Variants in AADACL4 observed in about 807,000 individuals in gnomAD.
The protein encoded by AADACL4 is arylacetamide deacetylase like 4.
In AADACL4, 9 loss-of-function variants were observed where a neutral mutation model predicts 14.1. The ratio of observed to expected loss-of-function variants is 0.64; its 90% confidence interval spans 0.39 to 1.12. The LOEUF is 1.12. Ranked by LOEUF, AADACL4 falls within the 50% of genes most tolerant of loss-of-function variation. AADACL4 has a pLI of 0.01. For missense variants in AADACL4, 531 were observed against 516.1 expected (o/e 1.03, Z -0.28); for synonymous variants, 188 against 201.6 (o/e 0.93, Z 0.57).
intron 1 of AADACL4, among the ~76,000 whole-genome samples, chr1:12,647,577 G>A (rs980227864): frequency 6.6e-6 from 1 of 152,060 alleles, no homozygotes; most frequent in Admixed American, 6.5e-5. Context: ...TTTAAAAGTT[G>A]CTATGAATGA....
intron 2 of AADACL4, among the ~76,000 whole-genome samples, chr1:12,658,123 CCTTCCTTCCTTCCTTCCTTT>C (rs1647195853): frequency 8.4e-6 from 1 of 119,486 alleles, no homozygotes; most frequent in African/African-American, 4.9e-5. Context: ...TTCCTTCCTT[CCTTCCTTCCTTCCTTCCTTT>C]CTTTCTTTCT....
Position 12,650,657 on chromosome 1 carries a change from C to T in AADACL4, c.169-466C>T, listed in dbSNP as rs528147766. ...AAGTGATTCTCCTGCCTCAGCCTCC[C>T]GAGTAGCTGGGACTACAGGCGCTCG... is the stretch of plus-strand genomic sequence containing the variant. On this transcript the variant is annotated intron_variant, in intron 1 of 3. Coordinates refer to ENST00000376221, the MANE Select transcript of AADACL4 (RefSeq NM_001013630.2). Among the ~76,000 whole-genome samples, 28 of 152,112 alleles carry T rather than the reference C, an allele frequency of 1.8e-4. No individual in the cohort carries two copies. The East Asian group carries it at 2.1e-3, about 12-fold the overall frequency.
chr1:12,652,687 T>C (rs1398276209), intron 2 of AADACL4, among the ~76,000 whole-genome samples: 1 of 152,218 alleles, frequency 6.6e-6, no homozygotes, highest in African/African-American at 2.4e-5. Context: ...TGAAAATTCT[T>C]GGAAAAAGAT....
In AADACL4 at chr1:12,666,187, CA is replaced by C. The variant is rs1361643435; in HGVS notation, c.677del (p.Gln226ArgfsTer25). The C allele has an allele frequency of 6.2e-7, 1 of 1,614,134 alleles. No individual in the cohort carries two copies. The highest frequency in any genetic ancestry group is 8.5e-7 in the Non-Finnish European group (1 of 1,180,058). On this transcript the variant is annotated frameshift_variant, in exon 4 of 4. Coordinates refer to ENST00000376221, the MANE Select transcript of AADACL4 (RefSeq NM_001013630.2). LOFTEE classifies it low-confidence loss of function (END_TRUNC). ...RAQVLIYPVVQAFCLQLPSFQ... is the reference protein window; with the variant it reads ...RAQVLIYPVVXAFCLQLPSFQ... ...TCAGGTTCTGATTTATCCAGTTGTC[CA>C]GGCATTCTGTTTGCAGTTGCCATCC...
intron 3 of AADACL4, among the ~76,000 whole-genome samples, chr1:12,664,713 A>G (rs1026585663): frequency 2.0e-5 from 3 of 152,188 alleles, no homozygotes; most frequent in Non-Finnish European, 4.4e-5. Context: ...CAGCCACTTC[A>G]ACTTAACATT....
At chr1:12,658,806 T>C (rs545136213) in intron 2 of AADACL4, among the ~76,000 whole-genome samples, 18 of 152,130 alleles carry the variant, frequency 1.2e-4, no homozygotes, top group Admixed American at 9.8e-4. Flanking sequence ...CACCCCCGGC[T>C]TCATCCTTGT....
chr1:12,666,328 G>C lies in AADACL4; in HGVS notation c.817G>C (p.Val273Leu). 6.2e-7 allele frequency: 1 copy of C among 1,614,196 alleles called. No individual in the cohort carries two copies. Among genetic ancestry groups the C allele is most frequent in the South Asian group, 1.1e-5 (1 of 91,084 alleles). ...TGACGCCATCTTGAACGGCACTTGTGTACCCCCAGACGTCTGGAGGAAGTA... is the reference window on the plus strand; with the variant it reads ...TGACGCCATCTTGAACGGCACTTGTCTACCCCCAGACGTCTGGAGGAAGTA... The part of the protein sequence containing the change: ...WRDAILNGTC[V>L]PPDVWRKYEK... The change falls in exon 4 of 4, where the codon GTA becomes CTA. Residue 273 changes from valine to leucine, a missense_variant. Val to Leu is a conservative substitution (Grantham distance 32). Coordinates refer to ENST00000376221, the MANE Select transcript of AADACL4 (RefSeq NM_001013630.2).
rs779658598 is a variant in AADACL4 at position 12,666,464 on chromosome 1, T to G, written c.953T>G (p.Met318Arg). 6 of 1,614,230 alleles carry G rather than the reference T, an allele frequency of 3.7e-6. No homozygotes were observed. Among genetic ancestry groups the G allele is most frequent in the Non-Finnish European group, 5.1e-6 (6 of 1,180,048 alleles). ...GCTGCCTATCTAGAAGCCAAACATA[T>G]GCTGGATGTAGAAAATTCACCCCTG... ...NEAAYLEAKH[M>R]LDVENSPLIA... Residue 318 changes from methionine to arginine, a missense_variant, in exon 4 of 4, where the codon ATG becomes AGG. By Grantham distance (91) the Met-to-Arg change is moderately conservative. Coordinates refer to ENST00000376221, the MANE Select transcript of AADACL4 (RefSeq NM_001013630.2).
chr1:12,651,227 C>A lies in AADACL4; in HGVS notation c.273C>A (p.Asp91Glu). The change falls in exon 2 of 4, where the codon GAC becomes GAA. Residue 91 changes from aspartate to glutamate, a missense_variant. By Grantham distance (45) the Asp-to-Glu change is conservative (BLOSUM62 2). Coordinates refer to ENST00000376221, the MANE Select transcript of AADACL4 (RefSeq NM_001013630.2). ...AGGACCCTGAACTTGTGGTGACCGA[C>A]CTGCGTTTTGGGACGATACCCGTGA... ...IKKDPELVVTDLRFGTIPVRL... is the reference protein window; with the variant it reads ...IKKDPELVVTELRFGTIPVRL... 2 of 1,614,224 alleles carry A rather than the reference C, an allele frequency of 1.2e-6. No individual in the cohort carries two copies. Among genetic ancestry groups the A allele is most frequent in the Non-Finnish European group, 1.7e-6 (2 of 1,180,046 alleles).
chr1:12,658,178 CTCTT>C (rs1363154103), intron 2 of AADACL4, among the ~76,000 whole-genome samples: 12 of 119,206 alleles, frequency 1.0e-4, no homozygotes, highest in Middle Eastern at 4.6e-3. Context: ...TTCTCTTTCT[CTCTT>C]TCTTTCTCTC....
At chr1:12,661,922 T>C (rs1326407806) in intron 3 of AADACL4, 68 bp downstream of exon 3, 13 of 1,530,602 alleles carry the variant, frequency 8.5e-6, no homozygotes, top group Admixed American at 1.7e-5. Flanking sequence ...TCATGGGTGA[T>C]TTGTAGATCA....
chr1:12,648,172 A>G (rs1419332549), intron 1 of AADACL4, among the ~76,000 whole-genome samples: 5 of 151,166 alleles, frequency 3.3e-5, no homozygotes, highest in South Asian at 2.1e-4. Context: ...GGGTTTCACC[A>G]TGTTAGCCAG....
intron 3 of AADACL4, among the ~76,000 whole-genome samples, chr1:12,663,138 G>A (rs1188496033): frequency 9.2e-5 from 14 of 152,088 alleles, no homozygotes; most frequent in Non-Finnish European, 1.8e-4. Flanking sequence ...CTGAAGGAAG[G>A]GAGATGTCTA....
intron 1 of AADACL4, among the ~76,000 whole-genome samples, chr1:12,645,283 T>C (rs1484451026): frequency 8.2e-6 from 1 of 121,612 alleles, no homozygotes; most frequent in African/African-American, 3.0e-5. Context: ...TCCTTCCTTG[T>C]TTCCTTCCTA....
intron 3 of AADACL4, among the ~76,000 whole-genome samples, chr1:12,662,259 T>C (rs569161677): frequency 1.3e-5 from 2 of 152,186 alleles, no homozygotes; most frequent in East Asian, 3.9e-4. Flanking sequence ...ACCAAAAGAA[T>C]ACTTTCGAGG....
chr1:12,652,883 C>T (rs1647158243), intron 2 of AADACL4, among the ~76,000 whole-genome samples: 1 of 152,222 alleles, frequency 6.6e-6, no homozygotes, highest in Non-Finnish European at 1.5e-5. Flanking sequence ...GGTCCACACC[C>T]TGGCTTTTCA....
chr1:12,663,189 TG>T (rs1647255630), intron 3 of AADACL4, among the ~76,000 whole-genome samples: 1 of 152,206 alleles, frequency 6.6e-6, no homozygotes, highest in Admixed American at 6.5e-5. Context: ...TTGGAGAAGA[TG>T]GGTCTTTTGA....
chr1:12,661,775 T>C lies in AADACL4; in HGVS notation c.386-16T>C, dbSNP rs1203797548. 3.7e-6 allele frequency: 6 copies of C among 1,613,568 alleles called. No individual in the cohort carries two copies. In the Admixed American group the frequency reaches 1.0e-4, roughly 27 times the overall value. ...CCTACTCATGCGCTGCTGCTCTGAG[T>C]GTTTTTGTCTTGCAGATTGTTACCA... On this transcript the variant is annotated splice_polypyrimidine_tract_variant and intron_variant, in intron 2 of 3. Coordinates refer to ENST00000376221, the MANE Select transcript of AADACL4 (RefSeq NM_001013630.2).
chr1:12,657,479 C>T (rs180900400), intron 2 of AADACL4, among the ~76,000 whole-genome samples: 158 of 152,216 alleles, frequency 1.0e-3, no homozygotes, highest in African/African-American at 3.5e-3. Flanking sequence ...CGTTGACCCT[C>T]GCCAGTGTTC....
Sources: gnomAD v4.1 joint callset for allele counts (sites outside exome capture counted in the v4.1 genomes callset) on GRCh38, gnomAD v4.1.1 for gene constraint, MANE v1.5 for transcripts, NCBI Gene and HGNC (gene_info 2026-07-23, HGNC 2026-07-21) for gene names.